The following ANKRD45 variants were observed in gnomAD, a reference collection of about 807,000 sequenced individuals.
ANKRD45 encodes ankyrin repeat domain 45.
ANKRD45 carries 21 observed loss-of-function variants against 28.1 expected under a neutral mutation model. The ratio of observed to expected loss-of-function variants is 0.75; its 90% CI spans 0.53 to 1.08. The LOEUF is 1.08. Among genes scored for constraint, ANKRD45 ranks in the 50% least tolerant of loss-of-function variants. The probability of loss-of-function intolerance (pLI) is 0.00; values close to 1 mark genes in which losing one functional copy is unlikely to be tolerated. For synonymous variants in ANKRD45, 86 were observed against 103.9 expected (o/e 0.83, Z 1.05); for missense variants, 261 against 308.7 (o/e 0.85, Z 1.16).
Position 173,659,246 on chromosome 1 carries a change from G to C in ANKRD45, c.173C>G (p.Pro58Arg). The change falls in exon 2 of 6, where the codon CCT becomes CGT. Residue 58 changes from proline to arginine, a missense_variant. Coordinates refer to ENST00000333279, the MANE Select transcript of ANKRD45 (RefSeq NM_198493.3). ...VEGLQKIFED[P>R]ENPHHEQAMQ... ...GGCCTGTTCATGATGAGGATTCTCAGGATCCTCAAATATCTTCTGCAAACC... is the reference window on the plus strand; with the variant it reads ...GGCCTGTTCATGATGAGGATTCTCACGATCCTCAAATATCTTCTGCAAACC... The C allele has an allele frequency of 6.2e-7, 1 of 1,614,056 alleles. No homozygotes were observed. The highest frequency in any genetic ancestry group is 8.5e-7 in the Non-Finnish European group (1 of 1,180,010).
the ANKRD45 span, among the ~76,000 whole-genome samples, chr1:173,686,324 A>T: frequency 6.6e-6 from 1 of 152,060 alleles, no homozygotes; most frequent in African/African-American, 2.4e-5. Context: ...TTAAAGTTAA[A>T]TTTTTCTTAG....
At chr1:173,712,155 G>C in the ANKRD45 span, among the ~76,000 whole-genome samples, 11 of 152,188 alleles carry the variant, frequency 7.2e-5, no homozygotes, top group Admixed American at 6.5e-4. Context: ...TGTTTGAACA[G>C]TAATGAGAGA....
chr1:173,710,202 A>T, the ANKRD45 span, among the ~76,000 whole-genome samples: 1 of 151,948 alleles, frequency 6.6e-6, no homozygotes, highest in Non-Finnish European at 1.5e-5. Flanking sequence ...ATTGTGGAAC[A>T]CTCCTGTGGT....
chr1:173,709,848 T>C, the ANKRD45 span, among the ~76,000 whole-genome samples: 1 of 152,116 alleles, frequency 6.6e-6, no homozygotes, highest in African/African-American at 2.4e-5. Flanking sequence ...CCCAAGCTGG[T>C]TTCAAACTTC....
chr1:173,679,502 A>G, the ANKRD45 span, among the ~76,000 whole-genome samples: 1 of 152,214 alleles, frequency 6.6e-6, no homozygotes, highest in Non-Finnish European at 1.5e-5. Flanking sequence ...ATATGCAGAA[A>G]GCTGAAACTG....
intron 3 of ANKRD45, 63 bp from the exon 4 acceptor site, chr1:173,627,222 CA>C (rs1667978836): frequency 9.1e-7 from 1 of 1,099,174 alleles, no homozygotes; most frequent in African/African-American, 1.7e-5. Context: ...GCAAGATAGT[CA>C]AATGGAAGCC....
At chr1:173,657,524 A>G (rs925247251) in intron 2 of ANKRD45, 2 of 152,704 alleles carry the variant, frequency 1.3e-5, no homozygotes, top group East Asian at 1.9e-4. Context: ...GTGTATGTGT[A>G]TAATCAAATG....
At chr1:173,618,235 CTCT>C (rs754137063) in intron 5 of ANKRD45, among the ~76,000 whole-genome samples, 10 of 152,324 alleles carry the variant, frequency 6.6e-5, no homozygotes, top group Middle Eastern at 3.4e-3. Context: ...GCCCAAGTGC[CTCT>C]TCTTCTACAA....
the ANKRD45 span, among the ~76,000 whole-genome samples, chr1:173,688,850 G>C: frequency 6.8e-6 from 1 of 147,238 alleles, no homozygotes; most frequent in Non-Finnish European, 1.5e-5. Context: ...CCTTTCTGCT[G>C]GTCTTTCCCT....
Position 173,659,448 on chromosome 1 carries a change from AT to A in ANKRD45, c.-15-16del. The A allele has an allele frequency of 6.7e-7, 1 of 1,495,418 alleles. No homozygotes were observed. 92.6% of individuals were successfully genotyped at this position (1,495,418 alleles called of 1,614,324 possible). On this transcript the variant is annotated splice_polypyrimidine_tract_variant and intron_variant, in intron 1 of 5. Coordinates refer to ENST00000333279, the MANE Select transcript of ANKRD45 (RefSeq NM_198493.3). Reference sequence around the variant, plus strand: ...TCCAAAAATACCTATGACCAAAAAAATAAAAAAGTGATAAAAATCTACTCAA... The same window carrying A: ...TCCAAAAATACCTATGACCAAAAAAAAAAAAAGTGATAAAAATCTACTCAA...
chr1:173,658,634 T>A (rs1669651053), intron 2 of ANKRD45: 2 of 152,284 alleles, frequency 1.3e-5, no homozygotes, highest in South Asian at 4.1e-4. Flanking sequence ...AATTACTGAA[T>A]TTAAAAAGCG....
intron 3 of ANKRD45, chr1:173,635,545 G>A: frequency 6.5e-7 from 1 of 1,531,340 alleles, no homozygotes; most frequent in Non-Finnish European, 8.7e-7. Flanking sequence ...GACTACCGCT[G>A]ATTTTTTCTC....
chr1:173,614,811 GTTTTA>G (rs199692573), intron 5 of ANKRD45, among the ~76,000 whole-genome samples: 17 of 151,594 alleles, frequency 1.1e-4, no homozygotes, highest in Admixed American at 9.2e-4. Flanking sequence ...GGATTTTGTT[GTTTTA>G]TTTTATTTTA....
At chr1:173,710,809 G>A in the ANKRD45 span, among the ~76,000 whole-genome samples, 1 of 152,076 alleles carries the variant, frequency 6.6e-6, no homozygotes, top group South Asian at 2.1e-4. Flanking sequence ...CGTGACAACT[G>A]CCTGACCATC....
At chr1:173,639,276 T>G (rs1323779650) in intron 3 of ANKRD45, among the ~76,000 whole-genome samples, 1 of 152,186 alleles carries the variant, frequency 6.6e-6, no homozygotes, top group East Asian at 1.9e-4. Context: ...GAGATAGCTA[T>G]TGTACATGTC....
chr1:173,686,492 T>C, the ANKRD45 span, among the ~76,000 whole-genome samples: 3 of 152,116 alleles, frequency 2.0e-5, no homozygotes, highest in Non-Finnish European at 4.4e-5. Context: ...CTATGCTGGT[T>C]TGAGTTTTCC....
At chr1:173,654,143 T>A (rs995240043) in intron 2 of ANKRD45, among the ~76,000 whole-genome samples, 10 of 152,118 alleles carry the variant, frequency 6.6e-5, no homozygotes, top group African/African-American at 2.4e-4. Context: ...GACATTATGA[T>A]GTTAGCTGAT....
At chr1:173,692,109 G>A in the ANKRD45 span, among the ~76,000 whole-genome samples, 1 of 151,968 alleles carries the variant, frequency 6.6e-6, no homozygotes, top group Non-Finnish European at 1.5e-5. Context: ...GGGTGGAGTA[G>A]GTAGTCGAAA....
chr1:173,650,471 T>G (rs1369144420), intron 2 of ANKRD45, among the ~76,000 whole-genome samples: 1 of 152,244 alleles, frequency 6.6e-6, no homozygotes, highest in Non-Finnish European at 1.5e-5. Context: ...GTGGTATATA[T>G]GTGCCACATT....
Sources: allele counts gnomAD v4.1 joint callset (sites outside exome capture counted in the v4.1 genomes callset), GRCh38; gene constraint gnomAD v4.1.1; transcripts MANE v1.5; gene names NCBI Gene and HGNC (gene_info 2026-07-23, HGNC 2026-07-21).